ME1: variants seen among roughly 807,000 people sequenced by gnomAD.
ME1 encodes the protein malic enzyme 1, also known as NADP-dependent malic enzyme.
A neutral mutation model predicts 66.4 loss-of-function variants in ME1; 74 were observed. The observed-to-expected ratio is 1.11, with a 90% CI of 0.92 to 1.35. The LOEUF (loss-of-function observed/expected upper bound fraction) is 1.35, where lower values mean the gene tolerates loss of function less well. ME1 is among the 40% of genes most tolerant of loss of function. The pLI is 0.00. For synonymous variants in ME1, 251 were observed against 235.6 expected, an observed-to-expected ratio of 1.07 and a Z score of -0.60; for missense variants, 750 against 694.1, an observed-to-expected ratio of 1.08 and a Z score of -0.90.
At chr6:83,411,221 G>A (rs533847209) in intron 1 of ME1, among the ~76,000 whole-genome samples, 5 of 152,042 alleles carry the variant, frequency 3.3e-5, no homozygotes, top group Non-Finnish European at 5.9e-5. Flanking sequence ...AAAGTTAGCC[G>A]GGCGTGGTGG....
intron 3 of ME1, among the ~76,000 whole-genome samples, chr6:83,393,738 A>T (rs1769676939): frequency 6.6e-6 from 1 of 152,182 alleles, no homozygotes; most frequent in East Asian, 1.9e-4. Flanking sequence ...TTCAATAAAC[A>T]TCCTTGAATT....
intron 6 of ME1, among the ~76,000 whole-genome samples, chr6:83,272,192 C>T (rs1767093078): frequency 6.6e-6 from 1 of 152,010 alleles, no homozygotes; most frequent in Non-Finnish European, 1.5e-5. Flanking sequence ...TTAAAGGATC[C>T]TAGAGATATG....
At chr6:83,322,163 A>G (rs1219052603) in intron 5 of ME1, among the ~76,000 whole-genome samples, 1 of 152,240 alleles carries the variant, frequency 6.6e-6, no homozygotes, top group African/African-American at 2.4e-5. Flanking sequence ...CCAACAGGGA[A>G]GACCAAAGGT....
At chr6:83,306,170 T>C (rs1216833479) in intron 6 of ME1, among the ~76,000 whole-genome samples, 3 of 152,082 alleles carry the variant, frequency 2.0e-5, no homozygotes, top group Non-Finnish European at 4.4e-5. Context: ...AATGAGCGGA[T>C]GTATCATTCT....
Position 83,333,846 on chromosome 6 carries a change from A to G in ME1, c.600+12327T>C, listed in dbSNP as rs533218434. Among the ~76,000 whole-genome samples the G allele has an allele frequency of 2.4e-4, 36 of 152,342 alleles. 3 individuals carry two copies. The South Asian group carries it at 5.0e-3, about 21-fold the overall frequency. ...ATACAACACACCTTGATCAGTTTTTAGAAAAAAAATACTTGCCCCAAAATT... is the reference window on the plus strand; with the variant it reads ...ATACAACACACCTTGATCAGTTTTTGGAAAAAAAATACTTGCCCCAAAATT... On this transcript the variant is annotated intron_variant, in intron 5 of 13. Coordinates refer to ENST00000369705, the MANE Select transcript of ME1 (RefSeq NM_002395.6).
At chr6:83,309,823 G>A (rs1185474782) in intron 6 of ME1, among the ~76,000 whole-genome samples, 1 of 152,142 alleles carries the variant, frequency 6.6e-6, no homozygotes. Context: ...GGAATAAGCT[G>A]AGGAAAACTA....
intron 3 of ME1, among the ~76,000 whole-genome samples, chr6:83,381,546 C>A (rs762429249): frequency 6.6e-6 from 1 of 151,996 alleles, no homozygotes; most frequent in Non-Finnish European, 1.5e-5. Flanking sequence ...TGTGTATATA[C>A]CTACATGCTG....
At chr6:83,419,261 A>AT (rs1371781803) in intron 1 of ME1, among the ~76,000 whole-genome samples, 1 of 152,192 alleles carries the variant, frequency 6.6e-6, no homozygotes, top group African/African-American at 2.4e-5. Context: ...GCTAGCTCAG[A>AT]TTTTAAAAAA....
intron 1 of ME1, among the ~76,000 whole-genome samples, chr6:83,426,449 A>G (rs955461945): frequency 1.3e-5 from 2 of 152,248 alleles, no homozygotes; most frequent in Admixed American, 6.5e-5. Flanking sequence ...TGACTTTCAC[A>G]TAAGTGGGAT....
intron 7 of ME1, among the ~76,000 whole-genome samples, chr6:83,250,817 T>C (rs1327861789): frequency 6.6e-6 from 1 of 152,260 alleles, no homozygotes; most frequent in East Asian, 1.9e-4. Flanking sequence ...TTTAATTCTT[T>C]AGACCAAAGG....
intron 3 of ME1, among the ~76,000 whole-genome samples, chr6:83,357,900 CCCCTCT>C (rs1185656651): frequency 3.7e-4 from 21 of 56,206 alleles, no homozygotes; most frequent in African/African-American, 1.4e-3. Flanking sequence ...TTAATAAACT[CCCCTCT>C]CTCTCTCTCT....
chr6:83,225,886 T>A (rs370963699), intron 11 of ME1, among the ~76,000 whole-genome samples: 1 of 150,446 alleles, frequency 6.6e-6, no homozygotes, highest in African/African-American at 2.4e-5. Context: ...ATAATCACCA[T>A]ATTTTAAGGA....
At chr6:83,243,822 TA>T (rs1381558229) in intron 7 of ME1, among the ~76,000 whole-genome samples, 1 of 134,454 alleles carries the variant, frequency 7.4e-6, no homozygotes, top group African/African-American at 2.8e-5. Flanking sequence ...TATATTTATA[TA>T]ATATAATATA....
intron 6 of ME1, among the ~76,000 whole-genome samples, chr6:83,289,861 G>T (rs1449982766): frequency 2.0e-5 from 3 of 152,142 alleles, no homozygotes; most frequent in Admixed American, 2.0e-4. Flanking sequence ...TTAGTCTTGG[G>T]AGGTTGTATG....
chr6:83,263,242 TCTC>T (rs1766929443), intron 6 of ME1, among the ~76,000 whole-genome samples: 1 of 152,090 alleles, frequency 6.6e-6, no homozygotes, highest in African/African-American at 2.4e-5. Context: ...ACTCTCTCCT[TCTC>T]CTCAAACCTC....
intron 3 of ME1, among the ~76,000 whole-genome samples, chr6:83,360,055 T>C (rs375567429): frequency 1.1e-4 from 16 of 152,164 alleles, no homozygotes; most frequent in Admixed American, 2.6e-4. Flanking sequence ...ATCTACACAA[T>C]CTGAAAATTT....
chr6:83,329,358 T>C (rs1241945495), intron 5 of ME1, among the ~76,000 whole-genome samples: 4 of 152,190 alleles, frequency 2.6e-5, no homozygotes, highest in African/African-American at 4.8e-5. Context: ...TTTAACCTCT[T>C]TTCACAAAGG....
At chr6:83,224,690 AAAAAAAAT>A in intron 11 of ME1, among the ~76,000 whole-genome samples, 2 of 143,770 alleles carry the variant, frequency 1.4e-5, no homozygotes, top group African/African-American at 5.3e-5. Context: ...GCTCAAAAAA[AAAAAAAAT>A]AAAAATAATA....
rs193289513 is a variant in ME1, at chr6:83,275,058, G to C, written c.705-21320C>G. Among the ~76,000 whole-genome samples the C allele has an allele frequency of 1.5e-4, 23 of 152,294 alleles. No individual in the cohort carries two copies. The East Asian group carries it at 4.2e-3, about 28-fold the overall frequency. ...TTAAGATAGGACAAAAACAGGCTGG[G>C]CTCAGTGGCTTACGTCTGCAATCCC... On this transcript the variant is annotated intron_variant, in intron 6 of 13. Transcript: ENST00000369705.
Sources: gnomAD v4.1 joint callset for allele counts (sites outside exome capture counted in the v4.1 genomes callset) on GRCh38, gnomAD v4.1.1 for gene constraint, MANE v1.5 for transcripts, NCBI Gene and HGNC (gene_info 2026-07-23, HGNC 2026-07-21) for gene names.